Variants in PTPRD observed in about 807,000 individuals in gnomAD.
PTPRD encodes the protein protein tyrosine phosphatase receptor type D.
In PTPRD, 34 loss-of-function variants were observed where a neutral mutation model predicts 214.5. The observed-to-expected ratio is 0.16, with a 90% CI of 0.12 to 0.21. The LOEUF (loss-of-function observed/expected upper bound fraction) is 0.21, where lower values mean the gene tolerates loss of function less well. PTPRD is among the 10% of genes least tolerant of loss of function. The pLI is 1.00. For missense variants in PTPRD, 2,545 were observed against 2,398.7 expected, an observed-to-expected ratio of 1.06 and a Z score of -1.27; for synonymous variants, 1,128 against 845.7, an observed-to-expected ratio of 1.33 and a Z score of -5.79.
In PTPRD at chr9:8,573,312, C is replaced by T. The variant is rs147933533; in HGVS notation, c.353-44533G>A. On this transcript the variant is annotated intron_variant, in intron 14 of 45. Coordinates refer to ENST00000381196, the MANE Select transcript of PTPRD (RefSeq NM_002839.4). ...TACTAAAGATATACATATTTATTTC[C>T]AGTATGTATTTAATATATTTATTCC... Among the ~76,000 whole-genome samples the T allele has an allele frequency of 5.5e-3, 843 of 151,940 alleles. 7 individuals are homozygous for T. The highest frequency in any genetic ancestry group is 0.02 in the Middle Eastern group (6 of 294).
intron 36 of PTPRD, among the ~76,000 whole-genome samples, chr9:8,403,710 G>C (rs2092685688): frequency 6.6e-6 from 1 of 152,190 alleles, no homozygotes; most frequent in Admixed American, 6.5e-5. Context: ...GCAATTCTAA[G>C]AGGCAGATTA....
chr9:8,565,283 A>T (rs113218590), intron 14 of PTPRD, among the ~76,000 whole-genome samples: 43 of 152,294 alleles, frequency 2.8e-4, no homozygotes, highest in African/African-American at 1.0e-3. Flanking sequence ...AATGTAATCA[A>T]CTGCTATTTT....
At chr9:9,223,373 T>C (rs2099957425) in intron 9 of PTPRD, among the ~76,000 whole-genome samples, 1 of 151,990 alleles carries the variant, frequency 6.6e-6, no homozygotes, top group South Asian at 2.1e-4. Context: ...GGAAGCTCTT[T>C]TGTGCTGTAA....
intron 7 of PTPRD, among the ~76,000 whole-genome samples, chr9:9,627,987 T>C (rs139700367): frequency 6.6e-6 from 1 of 152,296 alleles, no homozygotes; most frequent in African/African-American, 2.4e-5. Flanking sequence ...TCAAGAAAGT[T>C]GGATACTCTT....
chr9:9,491,370 G>C (rs2095887707), intron 8 of PTPRD, among the ~76,000 whole-genome samples: 1 of 151,880 alleles, frequency 6.6e-6, no homozygotes, highest in Non-Finnish European at 1.5e-5. Flanking sequence ...AGTCAACTCT[G>C]AAAAATGGGT....
At chr9:9,701,039 T>TAAAAAAA (rs56157927) in intron 7 of PTPRD, among the ~76,000 whole-genome samples, 1 of 140,564 alleles carries the variant, frequency 7.1e-6, no homozygotes. Flanking sequence ...ATCCTGAGAT[T>TAAAAAAA]AAAAAAAAAA....
chr9:10,207,557 A>G (rs1360867015), intron 3 of PTPRD, among the ~76,000 whole-genome samples: 2 of 152,054 alleles, frequency 1.3e-5, no homozygotes, highest in African/African-American at 4.8e-5. Flanking sequence ...TTATTATGTA[A>G]CTAAATAGTA....
intron 14 of PTPRD, among the ~76,000 whole-genome samples, chr9:8,618,901 TC>T: frequency 2.2e-5 from 3 of 134,374 alleles, no homozygotes; most frequent in Admixed American, 8.5e-5. Context: ...TGTGTGTTTG[TC>T]TGTGTTTTTT....
intron 3 of PTPRD, among the ~76,000 whole-genome samples, chr9:10,146,498 C>T (rs974588195): frequency 2.0e-5 from 3 of 151,956 alleles, no homozygotes; most frequent in Admixed American, 2.0e-4. Context: ...AAATTATGAC[C>T]TCAGGGAATA....
At chr9:9,741,580 T>A (rs1466877896) in intron 6 of PTPRD, among the ~76,000 whole-genome samples, 1 of 152,134 alleles carries the variant, frequency 6.6e-6, no homozygotes, top group Admixed American at 6.6e-5. Flanking sequence ...ACATTAGGTA[T>A]TTCTCCTAAT....
intron 7 of PTPRD, among the ~76,000 whole-genome samples, chr9:9,674,043 A>G (rs2096882522): frequency 6.6e-6 from 1 of 151,902 alleles, no homozygotes; most frequent in South Asian, 2.1e-4. Flanking sequence ...CAGGAGGAAG[A>G]GAGAAAATAA....
At chr9:8,720,614 C>A in intron 12 of PTPRD, among the ~76,000 whole-genome samples, 1 of 151,962 alleles carries the variant, frequency 6.6e-6, no homozygotes. Flanking sequence ...ACAAGAAAGC[C>A]TAATAAAAGA....
At chr9:10,192,445 GAAA>G (rs552289562) in intron 3 of PTPRD, among the ~76,000 whole-genome samples, 1,782 of 72,638 alleles carry the variant, frequency 0.025, 38 homozygotes, top group African/African-American at 0.085. Context: ...CACGATCCAG[GAAA>G]AAAAAAAAAA....
At chr9:8,698,967 G>C (rs147072819) in intron 12 of PTPRD, among the ~76,000 whole-genome samples, 1 of 152,054 alleles carries the variant, frequency 6.6e-6, no homozygotes, top group Admixed American at 6.6e-5. Flanking sequence ...GCACTCTCCA[G>C]CCACTGGGCA....
intron 9 of PTPRD, among the ~76,000 whole-genome samples, chr9:9,363,111 C>CTTTTTTTTTTTTTTTTTTTT (rs3048061): frequency 1.5e-5 from 2 of 129,862 alleles, no homozygotes; most frequent in Non-Finnish European, 3.3e-5. Context: ...CTATTTTGTG[C>CTTTTTTTTTTTTTTTTTTTT]TTTTTTTTTT....
intron 7 of PTPRD, among the ~76,000 whole-genome samples, chr9:9,591,571 C>T (rs2092732980): frequency 6.6e-6 from 1 of 152,060 alleles, no homozygotes; most frequent in East Asian, 1.9e-4. Flanking sequence ...AGGTCTGTCA[C>T]AAAGTATAAT....
intron 3 of PTPRD, among the ~76,000 whole-genome samples, chr9:10,096,806 T>C (rs2098492349): frequency 6.6e-6 from 1 of 152,062 alleles, no homozygotes; most frequent in Admixed American, 6.6e-5. Context: ...AGACATGAAG[T>C]CCTTGCCCAT....
intron 2 of PTPRD, among the ~76,000 whole-genome samples, chr9:10,474,517 T>C (rs372450545): frequency 2.6e-5 from 4 of 152,056 alleles, no homozygotes; most frequent in Admixed American, 6.6e-5. Context: ...ACAAAGAGAC[T>C]TGGACTCCCA....
Position 8,990,896 on chromosome 9 carries a change from A to G in PTPRD, c.-104+27801T>C, listed in dbSNP as rs574172749. Among the ~76,000 whole-genome samples the G allele has an allele frequency of 1.6e-4, 24 of 152,122 alleles. 1 individual carries two copies. In the South Asian group the frequency reaches 4.8e-3, roughly 30 times the overall value. ...CAAGCACATTGCTACATGGCTGCCT[A>G]TACTTCATTGAACCTAAGCATAAAA... On this transcript the variant is annotated intron_variant, in intron 11 of 45. Transcript: ENST00000381196.
Sources: gnomAD v4.1 joint callset for allele counts (sites outside exome capture counted in the v4.1 genomes callset) on GRCh38, gnomAD v4.1.1 for gene constraint, MANE v1.5 for transcripts, NCBI Gene and HGNC (gene_info 2026-07-23, HGNC 2026-07-21) for gene names.